Variants in KIAA1328 observed in about 807,000 individuals in gnomAD.
The protein encoded by KIAA1328 is protein hinderin.
A neutral mutation model predicts 68.1 loss-of-function variants in KIAA1328; 52 were observed. The observed-to-expected ratio is 0.76, with a 90% CI of 0.61 to 0.96. The LOEUF (loss-of-function observed/expected upper bound fraction) is 0.96. Among genes scored for constraint, KIAA1328 ranks in the 40% least tolerant of loss-of-function variants. KIAA1328 has a pLI of 0.00. For missense variants in KIAA1328, 641 were observed against 677.6 expected (o/e 0.95, Z 0.60); for synonymous variants, 232 against 239.4 (o/e 0.97, Z 0.28).
intron 6 of KIAA1328, among the ~76,000 whole-genome samples, chr18:37,028,877 A>C (rs2054705600): frequency 6.6e-6 from 1 of 152,064 alleles, no homozygotes; most frequent in Non-Finnish European, 1.5e-5. Flanking sequence ...AGCCAGCTTG[A>C]TTGTGGTGGA....
At chr18:36,982,274 G>A (rs2052725394) in intron 6 of KIAA1328, among the ~76,000 whole-genome samples, 1 of 150,470 alleles carries the variant, frequency 6.6e-6, no homozygotes, top group Non-Finnish European at 1.5e-5. Context: ...CCCATGGATT[G>A]AAGTACCTCA....
intron 7 of KIAA1328, among the ~76,000 whole-genome samples, chr18:37,090,375 C>T (rs565272375): frequency 3.3e-5 from 5 of 152,146 alleles, no homozygotes; most frequent in Admixed American, 3.3e-4. Flanking sequence ...GGATCATTCT[C>T]GTAACCATTC....
intron 6 of KIAA1328, among the ~76,000 whole-genome samples, chr18:37,013,408 T>C (rs1168096176): frequency 2.0e-5 from 3 of 152,172 alleles, no homozygotes; most frequent in Non-Finnish European, 4.4e-5. Context: ...TCTGGATATA[T>C]TAAATGATGC....
chr18:36,970,263 T>C (rs1471657704), intron 6 of KIAA1328, among the ~76,000 whole-genome samples: 1 of 152,222 alleles, frequency 6.6e-6, no homozygotes, highest in Non-Finnish European at 1.5e-5. Context: ...CACCCCTTTA[T>C]GCTACAGACT....
chr18:36,867,163 T>A (rs1436584463), intron 4 of KIAA1328, among the ~76,000 whole-genome samples: 1 of 152,202 alleles, frequency 6.6e-6, no homozygotes, highest in Non-Finnish European at 1.5e-5. Context: ...TTCTTATGAA[T>A]GGCTTAACAC....
intron 5 of KIAA1328, among the ~76,000 whole-genome samples, chr18:36,940,321 T>A (rs1226054375): frequency 6.6e-6 from 1 of 152,224 alleles, no homozygotes; most frequent in African/African-American, 2.4e-5. Flanking sequence ...GGATTTTGCA[T>A]GTCTTAGAAG....
At chr18:37,171,764 C>A (rs1157786698) in intron 8 of KIAA1328, among the ~76,000 whole-genome samples, 2 of 151,960 alleles carry the variant, frequency 1.3e-5, no homozygotes, top group African/African-American at 4.8e-5. Context: ...AAAGAATTAG[C>A]CTGGCATAGT....
At chr18:36,905,749 A>G (rs943222632) in intron 5 of KIAA1328, among the ~76,000 whole-genome samples, 2 of 152,156 alleles carry the variant, frequency 1.3e-5, no homozygotes, top group African/African-American at 4.8e-5. Flanking sequence ...AACATCTCAT[A>G]GTGCTGACAA....
chr18:37,082,968 G>C (rs2151805157), intron 7 of KIAA1328, among the ~76,000 whole-genome samples: 1 of 152,284 alleles, frequency 6.6e-6, no homozygotes, highest in South Asian at 2.1e-4. Flanking sequence ...AAAATTCAGT[G>C]TTCACCAGTG....
intron 5 of KIAA1328, among the ~76,000 whole-genome samples, chr18:36,902,838 G>A (rs2049088589): frequency 6.6e-6 from 1 of 151,956 alleles, no homozygotes; most frequent in Admixed American, 6.6e-5. Context: ...CCTCTGTGTT[G>A]CATCTTTTCA....
intron 7 of KIAA1328, among the ~76,000 whole-genome samples, chr18:37,080,405 T>G (rs1482427753): frequency 6.6e-6 from 1 of 152,224 alleles, no homozygotes; most frequent in Non-Finnish European, 1.5e-5. Context: ...ATTTTCAGTC[T>G]TCTTGGTTAG....
intron 6 of KIAA1328, among the ~76,000 whole-genome samples, chr18:36,983,572 A>G (rs1392534765): frequency 1.3e-5 from 2 of 152,066 alleles, no homozygotes; most frequent in Non-Finnish European, 2.9e-5. Context: ...AGAATACTTA[A>G]GAGAAAAAAA....
intron 6 of KIAA1328, among the ~76,000 whole-genome samples, chr18:37,037,681 C>A (rs1214798405): frequency 6.7e-6 from 1 of 148,260 alleles, no homozygotes; most frequent in Non-Finnish European, 1.5e-5. Flanking sequence ...GTCAGGAGAT[C>A]AAGACCAACC....
intron 5 of KIAA1328, among the ~76,000 whole-genome samples, chr18:36,932,275 T>TGTG (rs1471987756): frequency 1.3e-5 from 2 of 152,194 alleles, no homozygotes; most frequent in African/African-American, 2.4e-5. Context: ...CAGGATGCAG[T>TGTG]GTGGTGGCAT....
chr18:36,991,138 C>T (rs1420296743), intron 6 of KIAA1328, among the ~76,000 whole-genome samples: 1 of 152,082 alleles, frequency 6.6e-6, no homozygotes, highest in Non-Finnish European at 1.5e-5. Flanking sequence ...AGGAAAATAT[C>T]CATAACCCTT....
intron 6 of KIAA1328, among the ~76,000 whole-genome samples, chr18:37,054,826 A>G (rs2055846048): frequency 1.3e-5 from 2 of 152,238 alleles, no homozygotes; most frequent in Admixed American, 6.5e-5. Context: ...TAAAAAGATT[A>G]TGAGATTTAG....
At chr18:37,157,252 G>C (rs879888983) in intron 7 of KIAA1328, among the ~76,000 whole-genome samples, 1 of 152,084 alleles carries the variant, frequency 6.6e-6, no homozygotes, top group African/African-American at 2.4e-5. Flanking sequence ...GGGACATGGT[G>C]AGAGTTTTTT....
chr18:36,916,393 A>G (rs1004936223), intron 5 of KIAA1328, among the ~76,000 whole-genome samples: 1 of 151,998 alleles, frequency 6.6e-6, no homozygotes, highest in Non-Finnish European at 1.5e-5. Flanking sequence ...TTTTCATTTC[A>G]GATATTGAAT....
chr18:36,838,412 C>G (rs1048122574), intron 3 of KIAA1328, among the ~76,000 whole-genome samples: 1 of 152,142 alleles, frequency 6.6e-6, no homozygotes, highest in African/African-American at 2.4e-5. Context: ...CACGTGTATC[C>G]AGATTTCCTA....
Sources: gnomAD v4.1 joint callset for allele counts (sites outside exome capture counted in the v4.1 genomes callset) on GRCh38, gnomAD v4.1.1 for gene constraint, MANE v1.5 for transcripts, NCBI Gene and HGNC (gene_info 2026-07-23, HGNC 2026-07-21) for gene names.